PEX26: variants seen among roughly 807,000 people sequenced by gnomAD.
PEX26 encodes peroxisome assembly protein 26.
PEX26 carries 18 observed loss-of-function variants against 31.4 expected under a neutral mutation model. The ratio of observed to expected loss-of-function variants is 0.57; its 90% CI spans 0.40 to 0.85. PEX26 has a LOEUF of 0.85. PEX26 is among the 40% of genes least tolerant of loss of function. The pLI is 0.00. For missense variants in PEX26, 377 were observed against 383.9 expected (o/e 0.98, Z 0.15); for synonymous variants, 176 against 166.9 (o/e 1.05, Z -0.42).
At position 18,102,752 on chromosome 22, in the gene PEX26, C is replaced by T. The variant is rs536345229; in HGVS notation, c.*14677C>T. Reference sequence around the variant, plus strand: ...TCCAGCAATCCGCTCCAGTAGGTGTCCTTCAGGATACTTTTCTGTCAAGTA... The same window carrying T: ...TCCAGCAATCCGCTCCAGTAGGTGTTCTTCAGGATACTTTTCTGTCAAGTA... On this transcript the variant is annotated 3_prime_UTR_variant, in exon 5 of 5. Coordinates refer to ENST00000399744, the MANE Select transcript of PEX26 (RefSeq NM_001127649.3). 8 of 152,232 alleles carry T rather than the reference C, an allele frequency of 5.3e-5. No individual in the cohort carries two copies. Among genetic ancestry groups the T allele is most frequent in the African/African-American group, 1.7e-4 (7 of 41,544 alleles). The allele number at this position is 152,232 out of a possible 1,614,324, so 9.4% of individuals were successfully genotyped here. A position where few individuals can be genotyped will look rare whatever the true frequency, so the allele number is the denominator to read the frequency against.
chr22:18,087,907 G>A (rs1383388481), intron 4 of PEX26, 65 bp from the exon 5 acceptor site: 3 of 1,028,934 alleles, frequency 2.9e-6, no homozygotes, highest in East Asian at 2.4e-5. Flanking sequence ...CTCCCAGGGT[G>A]GGAGATGGCA....
At position 18,088,168 on chromosome 22, in the gene PEX26, A is replaced by C; in HGVS notation, c.*93A>C. 1.1e-6 allele frequency: 1 copy of C among 873,644 alleles called. No homozygotes were observed. Among genetic ancestry groups the C allele is most frequent in the Admixed American group, 1.7e-5 (1 of 58,952 alleles). The allele number at this position is 873,644 out of a possible 1,614,324, so 54.1% of individuals were successfully genotyped here. On this transcript the variant is annotated 3_prime_UTR_variant, in exon 5 of 5. Coordinates refer to ENST00000399744, the MANE Select transcript of PEX26 (RefSeq NM_001127649.3). The surrounding 1 kb of genome is among the most constrained non-coding windows in gnomAD (Gnocchi z 4.1). ...ACACATCCACAGGCGCCCCTGGGGAAATGGGACCAGCCTAATCTCGCGGAG... is the reference window on the plus strand; with the variant it reads ...ACACATCCACAGGCGCCCCTGGGGACATGGGACCAGCCTAATCTCGCGGAG...
intron 3 of PEX26, 75 bp downstream of exon 3, chr22:18,083,807 A>G: frequency 7.3e-7 from 1 of 1,369,340 alleles, no homozygotes; most frequent in East Asian, 2.3e-5. Context: ...TCTGTCGTGA[A>G]ACTCCTGCGA....
chr22:18,102,105 T>G lies in PEX26; in HGVS notation c.*14030T>G, dbSNP rs1231517438. The G allele has an allele frequency of 6.6e-6, 1 of 152,256 alleles. No individual in the cohort carries two copies. Among genetic ancestry groups the G allele is most frequent in the Non-Finnish European group, 1.5e-5 (1 of 68,084 alleles). The allele number at this position is 152,256 out of a possible 1,614,324, so 9.4% of individuals were successfully genotyped here. A position where few individuals can be genotyped will look rare whatever the true frequency, so the allele number is the denominator to read the frequency against. On this transcript the variant is annotated 3_prime_UTR_variant, in exon 5 of 5. Coordinates refer to ENST00000399744, the MANE Select transcript of PEX26 (RefSeq NM_001127649.3). ...AAAAAAAAGTTCATGCCAAAGCTGC[T>G]GGGACAAAGAGGACTCATGATAGTG...
Position 18,104,811 on chromosome 22 carries a change from T to C in PEX26, c.*16736T>C, listed in dbSNP as rs1473915487. The C allele has an allele frequency of 6.6e-6, 1 of 152,212 alleles. No homozygotes were observed. Among genetic ancestry groups the C allele is most frequent in the African/African-American group, 2.4e-5 (1 of 41,414 alleles). 9.4% of individuals were successfully genotyped at this position (152,212 alleles called of 1,614,324 possible). On this transcript the variant is annotated 3_prime_UTR_variant, in exon 5 of 5. Coordinates refer to ENST00000399744, the MANE Select transcript of PEX26 (RefSeq NM_001127649.3). ...ATTTGTCCCATGATTCACCTCCTCT[T>C]TGGTGATCTCTTGATTGCGGCTGCT...
At chr22:18,082,240 T>G (rs1355795331) in intron 2 of PEX26, among the ~76,000 whole-genome samples, 1 of 152,198 alleles carries the variant, frequency 6.6e-6, no homozygotes, top group Non-Finnish European at 1.5e-5. Context: ...CCATTTTTGC[T>G]TTTGTTACCA....
In PEX26 at chr22:18,104,905, A is replaced by G. The variant is rs1196519834; in HGVS notation, c.*16830A>G. On this transcript the variant is annotated 3_prime_UTR_variant, in exon 5 of 5. Transcript: ENST00000399744. ...CAGTGGCCAAAATGGTTCACCCTCA[A>G]CTTCCCTTAATCCCCTGCAGCATCT... 6.6e-6 allele frequency: 1 copy of G among 152,112 alleles called. No homozygotes were observed. Among genetic ancestry groups the G allele is most frequent in the South Asian group, 2.1e-4 (1 of 4,820 alleles). 9.4% of individuals were successfully genotyped at this position (152,112 alleles called of 1,614,324 possible). A position where few individuals can be genotyped will look rare whatever the true frequency, so the allele number is the denominator to read the frequency against.
rs1401946795 is a variant in PEX26, at chr22:18,083,648, G to A, written c.583G>A (p.Val195Ile). ...CTTTGGTGAGGAGCGGCGACTGGATGTACTTCAGGCCATTCACACAGCGAG... is the reference window on the plus strand; with the variant it reads ...CTTTGGTGAGGAGCGGCGACTGGATATACTTCAGGCCATTCACACAGCGAG... ...AAFGEERRLD[V>I]LQAIHTARQQ... The change falls in exon 3 of 5, where the codon GTA becomes ATA. Residue 195 changes from valine to isoleucine, a missense_variant. Coordinates refer to ENST00000399744, the MANE Select transcript of PEX26 (RefSeq NM_001127649.3). 2 of 1,614,130 alleles carry A rather than the reference G, an allele frequency of 1.2e-6. No homozygotes were observed. The highest frequency in any genetic ancestry group is 2.2e-5 in the South Asian group (2 of 91,076).
rs361807 is a variant in PEX26 at position 18,089,062 on chromosome 22, T to C, written c.*987T>C. 0.89 allele frequency: 135,180 copies of C among 152,652 alleles called. 60,031 individuals carry two copies. Among genetic ancestry groups the C allele is most frequent in the East Asian group, 0.93 (4,841 of 5,182 alleles). 9.5% of individuals were successfully genotyped at this position (152,652 alleles called of 1,614,324 possible). A position where few individuals can be genotyped will look rare whatever the true frequency, so the allele number is the denominator to read the frequency against. ...AATTTTCCAGGTTGTCCTGGCCAAGTCTTGCTCTGTTACGCTCAGTGCCTC... is the reference window on the plus strand; with the variant it reads ...AATTTTCCAGGTTGTCCTGGCCAAGCCTTGCTCTGTTACGCTCAGTGCCTC... On this transcript the variant is annotated 3_prime_UTR_variant, in exon 5 of 5. Coordinates refer to ENST00000399744, the MANE Select transcript of PEX26 (RefSeq NM_001127649.3).
chr22:18,078,750 C>T (rs1312494620), intron 1 of PEX26, 144 bp downstream of exon 1: 27 of 800,698 alleles, frequency 3.4e-5, no homozygotes, highest in Non-Finnish European at 5.5e-5. Context: ...AGAGGGTGGT[C>T]GCTCATCGTG....
intron 3 of PEX26, among the ~76,000 whole-genome samples, chr22:18,084,237 C>CTCTTTTTTTTTTTTT (rs1556589212): frequency 2.1e-5 from 2 of 95,320 alleles, no homozygotes; most frequent in Non-Finnish European, 4.2e-5. Context: ...ATCTCTCTCT[C>CTCTTTTTTTTTTTTT]TTTTTTTTTT....
In PEX26 at chr22:18,099,890, C is replaced by T. The variant is rs1427239781; in HGVS notation, c.*11815C>T. 6.6e-6 allele frequency: 1 copy of T among 152,178 alleles called. No individual in the cohort carries two copies. The highest frequency in any genetic ancestry group is 1.5e-5 in the Non-Finnish European group (1 of 68,042). 9.4% of individuals were successfully genotyped at this position (152,178 alleles called of 1,614,324 possible). A position where few individuals can be genotyped will look rare whatever the true frequency, so the allele number is the denominator to read the frequency against. On this transcript the variant is annotated 3_prime_UTR_variant, in exon 5 of 5. Transcript: ENST00000399744. ...GCATGTCACTGAATTTAAGAGCCAC[C>T]CTAATCCAGGATGATCTCATCTTGA...
intron 2 of PEX26, among the ~76,000 whole-genome samples, chr22:18,081,210 CAT>C (rs1350415483): frequency 5.5e-5 from 8 of 146,664 alleles, no homozygotes; most frequent in South Asian, 2.2e-4. Context: ...TATATAAACA[CAT>C]ATATACACAT....
intron 2 of PEX26, among the ~76,000 whole-genome samples, chr22:18,080,269 A>G (rs1926505102): frequency 1.3e-5 from 2 of 152,230 alleles, no homozygotes; most frequent in African/African-American, 4.8e-5. Context: ...GACAGAGCTG[A>G]AAGAGCAGCT....
At chr22:18,081,135 G>T (rs555817744) in intron 2 of PEX26, among the ~76,000 whole-genome samples, 1 of 117,334 alleles carries the variant, frequency 8.5e-6, no homozygotes, top group South Asian at 3.1e-4. Context: ...CTTTTTTATG[G>T]CTATATAGTA....
chr22:18,098,690 G>A lies in PEX26; in HGVS notation c.*10615G>A, dbSNP rs1223373477. 7 of 151,704 alleles carry A rather than the reference G, an allele frequency of 4.6e-5. No homozygotes were observed. The South Asian group carries it at 8.3e-4, about 18-fold the overall frequency. 9.4% of individuals were successfully genotyped at this position (151,704 alleles called of 1,614,324 possible). On this transcript the variant is annotated 3_prime_UTR_variant, in exon 5 of 5. Coordinates refer to ENST00000399744, the MANE Select transcript of PEX26 (RefSeq NM_001127649.3). Reference sequence around the variant, plus strand: ...CTCATTTTCTTTATAATATTATTGTGTAAAATGAGTAAAAGTCTATAAGAA... The same window carrying A: ...CTCATTTTCTTTATAATATTATTGTATAAAATGAGTAAAAGTCTATAAGAA...
At chr22:18,078,975 C>T in intron 1 of PEX26, 1 of 394,004 alleles carries the variant, frequency 2.5e-6, no homozygotes, top group Non-Finnish European at 4.9e-6. Context: ...CTGACCTTGG[C>T]TGATGATGGG....
In PEX26 at chr22:18,103,837, G is replaced by A. The variant is rs1019254045; in HGVS notation, c.*15762G>A. 2.6e-5 allele frequency: 4 copies of A among 152,220 alleles called. No homozygotes were observed. Among genetic ancestry groups the A allele is most frequent in the African/African-American group, 9.6e-5 (4 of 41,452 alleles). The allele number at this position is 152,220 out of a possible 1,614,324, so 9.4% of individuals were successfully genotyped here. The stretch of plus-strand genomic sequence containing the variant: ...ATTGTGAATAACATAGCTGTAAACA[G>A]ATTGCATATGAAAGTGCTGTGAAAT... On this transcript the variant is annotated 3_prime_UTR_variant, in exon 5 of 5. Coordinates refer to ENST00000399744, the MANE Select transcript of PEX26 (RefSeq NM_001127649.3).
chr22:18,088,904 A>G lies in PEX26; in HGVS notation c.*829A>G, dbSNP rs362057. On this transcript the variant is annotated 3_prime_UTR_variant, in exon 5 of 5. Transcript: ENST00000399744. This position sits in a 1 kb window ranked among gnomAD's most constrained non-coding sequence, Gnocchi z 4.1. ...GGTCTTGCCATGCGCTTGAAGCTGC[A>G]GGAGCCTTCTCACTGTTCAGGCTGG... 151,187 of 152,674 alleles carry G rather than the reference A, an allele frequency of 0.99. 74,863 individuals carry two copies. The highest frequency in any genetic ancestry group is 1 in the East Asian group (5,182 of 5,184). 9.5% of individuals were successfully genotyped at this position (152,674 alleles called of 1,614,324 possible).
Sources: gnomAD v4.1 joint callset for allele counts (sites outside exome capture counted in the v4.1 genomes callset) on GRCh38, gnomAD v4.1.1 for gene constraint, Gnocchi (gnomAD v3.1) non-coding constraint, MANE v1.5 for transcripts, NCBI Gene and HGNC (gene_info 2026-07-23, HGNC 2026-07-21) for gene names.